Variants in BBS1 observed in about 807,000 individuals in gnomAD.
The protein encoded by BBS1 is Bardet-Biedl syndrome 1.
BBS1 carries 60 observed loss-of-function variants against 73.9 expected under a neutral mutation model. That is an observed-to-expected ratio of 0.81 (90% CI 0.66 to 1.01). The LOEUF (loss-of-function observed/expected upper bound fraction) is 1.01, where lower values mean the gene tolerates loss of function less well. Ranked by LOEUF, BBS1 falls within the 50% of genes least tolerant of loss-of-function variation. The pLI is 0.00. For missense variants in BBS1, 718 were observed against 770.3 expected, an observed-to-expected ratio of 0.93 and a Z score of 0.80; for synonymous variants, 283 against 317.4, an observed-to-expected ratio of 0.89 and a Z score of 1.15.
intron 14 of BBS1, among the ~76,000 whole-genome samples, chr11:66,530,617 C>T (rs1856735738): frequency 6.6e-6 from 1 of 152,030 alleles, no homozygotes. Flanking sequence ...GGAGGTGGAA[C>T]AGGCAGGGGG....
intron 11 of BBS1, 24 bp from the exon 12 acceptor site, chr11:66,526,099 C>G: frequency 6.2e-7 from 1 of 1,613,508 alleles, no homozygotes; most frequent in Non-Finnish European, 8.5e-7. Context: ...ATTTCCCCAA[C>G]TAAACTCTGA....
chr11:66,528,750 C>G (rs1401699862), intron 13 of BBS1, among the ~76,000 whole-genome samples: 2 of 151,988 alleles, frequency 1.3e-5, no homozygotes, highest in African/African-American at 4.8e-5. Flanking sequence ...GGGCAGATCA[C>G]CTGAGGTCAG....
rs1348798164 is a variant in BBS1, at chr11:66,530,865, A to C, written c.1474-29A>C. On this transcript the variant is annotated intron_variant, in intron 14 of 16. Transcript: ENST00000318312. ...CCGTGCCCAAGGCTGCCAGGTCCTA[A>C]GGGCTTTCTCCACCCACCCTCTCCA... The C allele has an allele frequency of 3.1e-6, 5 of 1,614,072 alleles. No individual in the cohort carries two copies. The Admixed American group carries it at 8.3e-5, about 27-fold the overall frequency.
At chr11:66,515,617 C>A (rs200052384) in intron 5 of BBS1, 31 bp downstream of exon 5, 22 of 1,614,204 alleles carry the variant, frequency 1.4e-5, no homozygotes, top group Non-Finnish European at 1.8e-5. Flanking sequence ...TCATACCCCC[C>A]TCACTCCTTC....
Position 66,531,015 on chromosome 11 carries a change from G to A in BBS1, c.1595G>A (p.Arg532Gln), listed in dbSNP as rs142648652. ...LYNEALYSLPRAFFKVPLLVP... is the reference protein window; with the variant it reads ...LYNEALYSLPQAFFKVPLLVP... ...AACGAGGCGCTCTATTCCCTGCCCCGGGCCTTCTTCAAGGTACTGGATGCT... is the reference window on the plus strand; with the variant it reads ...AACGAGGCGCTCTATTCCCTGCCCCAGGCCTTCTTCAAGGTACTGGATGCT... Residue 532 changes from arginine (R) to glutamine (Q), a missense_variant, in exon 15 of 17, where the codon CGG becomes CAG. Physicochemically the swap from Arg to Gln is conservative, Grantham distance 43. Transcript: ENST00000318312. 6.4e-5 allele frequency: 104 copies of A among 1,614,208 alleles called. No homozygotes were observed. Among genetic ancestry groups the A allele is most frequent in the Admixed American group, 3.8e-4 (23 of 60,026 alleles).
chr11:66,526,073 CT>C, intron 11 of BBS1, 49 bp from the exon 12 acceptor site: 1 of 1,582,670 alleles, frequency 6.3e-7, no homozygotes, highest in Non-Finnish European at 8.7e-7. Context: ...CCCTGTCTTG[CT>C]TTCCTCTCCA....
rs41302425 is a variant in BBS1, at chr11:66,532,465, G to C, written c.*428G>C. On this transcript the variant is annotated 3_prime_UTR_variant, in exon 17 of 17. Transcript: ENST00000318312. ...CTAGTCCTGGCCAGGGAAATCAGAA[G>C]CTCTTCTTGGGTGAGATTGAGCCTC... 0.026 allele frequency: 4,689 copies of C among 179,734 alleles called. 89 individuals are homozygous for C. The highest frequency in any genetic ancestry group is 0.038 in the Non-Finnish European group (3,180 of 83,626). The allele number at this position is 179,734 out of a possible 1,614,324, so 11.1% of individuals were successfully genotyped here. A position where few individuals can be genotyped will look rare whatever the true frequency, so the allele number is the denominator to read the frequency against.
Position 66,514,525 on chromosome 11 carries a change from C to T in BBS1, c.279C>T (p.Leu93=), listed in dbSNP as rs1173082579. The stretch of plus-strand genomic sequence containing the variant: ...TGCCAGCTGCTGCTGCCACCTTCCT[C>T]ATGGAGCAACATGAGCCCCGGACCC... ...PALPAAAATF[L]MEQHEPRTPA... The change falls in exon 4 of 17, where the codon CTC becomes CTT. Residue 93 remains leucine (L), a synonymous_variant. Transcript: ENST00000318312. 1 of 1,614,186 alleles carries T rather than the reference C, an allele frequency of 6.2e-7. No homozygotes were observed. The highest frequency in any genetic ancestry group is 8.5e-7 in the Non-Finnish European group (1 of 1,180,038).
At position 66,514,615 on chromosome 11, in the gene BBS1, G is replaced by A. The variant is rs1432629236; in HGVS notation, c.369G>A (p.Lys123=). 6.2e-7 allele frequency: 1 copy of A among 1,613,828 alleles called. No homozygotes were observed. Among genetic ancestry groups the A allele is most frequent in the Non-Finnish European group, 8.5e-7 (1 of 1,180,040 alleles). Reference sequence around the variant, plus strand: ...ATAAGAATCTCAGACCCTACTTCAAGTTCAGCCTGCCCCAATTGCCTCCAA... The same window carrying A: ...ATAAGAATCTCAGACCCTACTTCAAATTCAGCCTGCCCCAATTGCCTCCAA... ...YVYKNLRPYF[K]FSLPQLPPNP... The change falls in exon 4 of 17, where the codon AAG becomes AAA. Residue 123 remains lysine (K), a synonymous_variant. Coordinates refer to ENST00000318312, the MANE Select transcript of BBS1 (RefSeq NM_024649.5).
chr11:66,523,453 C>G lies in BBS1; in HGVS notation c.831-3C>G, dbSNP rs113994179. The G allele has an allele frequency of 6.2e-7, 1 of 1,614,120 alleles. No individual in the cohort carries two copies. The highest frequency in any genetic ancestry group is 1.1e-5 in the South Asian group (1 of 91,078). ...GCCAGACAGTGTGTTGTTTATTCCA[C>G]AGAGACTCCAAGCACCCCAAGTACT... On this transcript the variant is annotated splice_region_variant and splice_polypyrimidine_tract_variant and intron_variant, in intron 9 of 16. Coordinates refer to ENST00000318312, the MANE Select transcript of BBS1 (RefSeq NM_024649.5).
intron 9 of BBS1, 160 bp downstream of exon 9, chr11:66,521,536 T>G: frequency 1.5e-6 from 1 of 687,924 alleles, no homozygotes; most frequent in East Asian, 2.8e-5. Flanking sequence ...CAGGGGAGGA[T>G]ACCTGGAGGC....
In BBS1 at chr11:66,523,793, C is replaced by T. The variant is rs767395683; in HGVS notation, c.1021C>T (p.Arg341Trp). The T allele has an allele frequency of 2.5e-5, 40 of 1,613,392 alleles. No homozygotes were observed. In the Admixed American group the frequency reaches 5.0e-4, roughly 20 times the overall value. ...CATGAACCTCCTGGAGCAGCATTCCCGGGGCCTGCAGGCCGTCATGGCTGG... is the reference window on the plus strand; with the variant it reads ...CATGAACCTCCTGGAGCAGCATTCCTGGGGCCTGCAGGCCGTCATGGCTGG... ...LTMNLLEQHS[R>W]GLQAVMAGLA... The change falls in exon 11 of 17, where the codon CGG becomes TGG. Residue 341 changes from arginine to tryptophan, a missense_variant. Coordinates refer to ENST00000318312, the MANE Select transcript of BBS1 (RefSeq NM_024649.5).
chr11:66,526,138 C>T lies in BBS1; in HGVS notation c.1126C>T (p.Leu376Phe). ...VIHTPDAVTS[L>F]CFGRYGREDN... ...CTCCACATAGGATGCAGTGACCAGC[C>T]TTTGCTTTGGCCGGTACGGGCGGGA... Residue 376 changes from leucine (L) to phenylalanine (F), a missense_variant, in exon 12 of 17, where the codon CTT becomes TTT. Physicochemically the swap from Leu to Phe is conservative, Grantham distance 22. Coordinates refer to ENST00000318312, the MANE Select transcript of BBS1 (RefSeq NM_024649.5). 1 of 1,614,208 alleles carries T rather than the reference C, an allele frequency of 6.2e-7. No individual in the cohort carries two copies. Among genetic ancestry groups the T allele is most frequent in the African/African-American group, 1.3e-5 (1 of 75,062 alleles).
chr11:66,525,588 A>G (rs1175296296), intron 11 of BBS1, among the ~76,000 whole-genome samples: 2 of 152,186 alleles, frequency 1.3e-5, no homozygotes, highest in African/African-American at 2.4e-5. Flanking sequence ...TCACAAGTGA[A>G]ACTGTGTATG....
Position 66,515,736 on chromosome 11 carries a change from G to A in BBS1, c.518+5G>A, listed in dbSNP as rs1428618323. ...TTTGTCCATCCAGTCACTCAGGTAAGGACCCTGTGGAGGGCCAGGGTTTGG... is the reference window on the plus strand; with the variant it reads ...TTTGTCCATCCAGTCACTCAGGTAAAGACCCTGTGGAGGGCCAGGGTTTGG... On this transcript the variant is annotated splice_donor_5th_base_variant and intron_variant, in intron 6 of 16. Coordinates refer to ENST00000318312, the MANE Select transcript of BBS1 (RefSeq NM_024649.5). 7 of 1,614,052 alleles carry A rather than the reference G, an allele frequency of 4.3e-6. No homozygotes were observed. Among genetic ancestry groups the A allele is most frequent in the African/African-American group, 4.0e-5 (3 of 74,914 alleles).
chr11:66,523,625 C>G, intron 10 of BBS1, 49 bp downstream of exon 10: 2 of 1,613,204 alleles, frequency 1.2e-6, no homozygotes, highest in African/African-American at 1.3e-5. Context: ...GTCCCTAGCC[C>G]CCACTTGGCA....
At chr11:66,530,146 C>A (rs1157973604) in intron 14 of BBS1, among the ~76,000 whole-genome samples, 194 bp downstream of exon 14, 1 of 152,190 alleles carries the variant, frequency 6.6e-6, no homozygotes, top group Non-Finnish European at 1.5e-5. Flanking sequence ...CCTTCCCACC[C>A]TCCTGTGCCA....
rs368302072 is a variant in BBS1, at chr11:66,526,806, C to T, written c.1338C>T (p.Thr446=). Residue 446 remains threonine (T), a splice_region_variant and synonymous_variant, in exon 13 of 17, where the codon ACC becomes ACT. Transcript: ENST00000318312. ...CACTGCGAGAGCGGGAGGCTGGCAC[C>T]GGTGAGCCTCAGACTGGGTCCTTTC... ...DQTLREREAG[T]AMHRAFQTDL... The T allele has an allele frequency of 2.1e-4, 332 of 1,614,220 alleles. 1 individual carries two copies. The South Asian group carries it at 3.3e-3, about 16-fold the overall frequency.
chr11:66,529,669 C>CT (rs1382516988), intron 13 of BBS1, 150 bp from the exon 14 acceptor site: 4 of 1,026,018 alleles, frequency 3.9e-6, no homozygotes, highest in Non-Finnish European at 4.4e-6. Flanking sequence ...AGGCTGGGCT[C>CT]TTTCCCTCCT....
Sources: gnomAD v4.1 joint callset for allele counts (sites outside exome capture counted in the v4.1 genomes callset) on GRCh38, gnomAD v4.1.1 for gene constraint, MANE v1.5 for transcripts, NCBI Gene and HGNC (gene_info 2026-07-23, HGNC 2026-07-21) for gene names.